Variants in SS18 observed in about 807,000 individuals in gnomAD.
SS18 encodes SS18 subunit of BAF chromatin remodeling complex, also known as protein SSXT.
Under a neutral mutation model 72.5 loss-of-function variants are expected in SS18, and 28 were observed. The observed-to-expected ratio is 0.39, with a 90% confidence interval of 0.29 to 0.53. The LOEUF (loss-of-function observed/expected upper bound fraction) is 0.53, where lower values mean the gene tolerates loss of function less well. Among genes scored for constraint, SS18 ranks in the 20% least tolerant of loss-of-function variants. SS18 has a pLI of 0.76. For missense variants in SS18, 518 were observed against 535.3 expected (o/e 0.97, Z 0.32); for synonymous variants, 172 against 164.2 (o/e 1.05, Z -0.37).
chr18:26,090,766 G>T, upstream of SS18: 1 of 615,152 alleles, frequency 1.6e-6, no homozygotes, highest in Non-Finnish European at 2.9e-6. Flanking sequence ...GCGCACTCTG[G>T]GGGACCCCTA....
Position 26,080,395 on chromosome 18 carries a change from A to G in SS18, c.147-2235T>C, listed in dbSNP as rs147503840. ...TTTTCTGAGGACCACTGACCAAACC[A>G]TACTAACAGATGTGGTTTATTCATG... On this transcript the variant is annotated intron_variant, in intron 2 of 10. Coordinates refer to ENST00000415083, the MANE Select transcript of SS18 (RefSeq NM_001007559.3). The G allele has an allele frequency of 5.6e-4, 553 of 985,406 alleles. 4 individuals carry two copies. The African/African-American group carries it at 8.8e-3, about 16-fold the overall frequency. The allele number at this position is 985,406 out of a possible 1,614,324, so 61.0% of individuals were successfully genotyped here.
chr18:26,038,449 A>C lies in SS18; in HGVS notation c.880+106T>G, dbSNP rs2053662797. 5 of 1,021,758 alleles carry C rather than the reference A, an allele frequency of 4.9e-6. No homozygotes were observed. The East Asian group carries it at 1.2e-4, about 25-fold the overall frequency. The allele number at this position is 1,021,758 out of a possible 1,614,324, so 63.3% of individuals were successfully genotyped here. On this transcript the variant is annotated intron_variant, in intron 7 of 10. Coordinates refer to ENST00000415083, the MANE Select transcript of SS18 (RefSeq NM_001007559.3). Reference sequence around the variant, plus strand: ...CTGAAGTGTTTCAAAATTTAGAGGAAACAAATTGTTAGTTTCTTCGTCCTC... The same window carrying C: ...CTGAAGTGTTTCAAAATTTAGAGGACACAAATTGTTAGTTTCTTCGTCCTC...
intron 10 of SS18, among the ~76,000 whole-genome samples, chr18:26,029,537 T>C (rs2053507878): frequency 6.6e-6 from 1 of 152,132 alleles, no homozygotes; most frequent in African/African-American, 2.4e-5. Context: ...TGAAGGGGTT[T>C]GCTAATTGGA....
At position 26,059,795 on chromosome 18, in the gene SS18, G is replaced by A. The variant is rs565321347; in HGVS notation, c.232-2053C>T. Among the ~76,000 whole-genome samples, 12 of 152,206 alleles carry A rather than the reference G, an allele frequency of 7.9e-5. 1 individual carries two copies. The highest frequency in any genetic ancestry group is 7.8e-4 in the Admixed American group (12 of 15,298). On this transcript the variant is annotated intron_variant, in intron 3 of 10. Coordinates refer to ENST00000415083, the MANE Select transcript of SS18 (RefSeq NM_001007559.3). Reference sequence around the variant, plus strand: ...GCTTCTATAATTGTTCAACCACAAGGTCTAACACTCTTAAAAATTGCAAGG... The same window carrying A: ...GCTTCTATAATTGTTCAACCACAAGATCTAACACTCTTAAAAATTGCAAGG...
chr18:26,055,078 C>G (rs1307181034), intron 4 of SS18, among the ~76,000 whole-genome samples: 2 of 152,084 alleles, frequency 1.3e-5, no homozygotes, highest in Non-Finnish European at 2.9e-5. Context: ...ACCAATGCCT[C>G]TCTAGAACTG....
chr18:26,038,092 T>C (rs935825467), intron 7 of SS18, among the ~76,000 whole-genome samples: 4 of 152,142 alleles, frequency 2.6e-5, no homozygotes, highest in African/African-American at 7.2e-5. Flanking sequence ...CCTTAGTTTG[T>C]TGAGAAGTAT....
intron 5 of SS18, among the ~76,000 whole-genome samples, chr18:26,043,465 A>G (rs1049710419): frequency 4.6e-5 from 7 of 152,086 alleles, no homozygotes; most frequent in Non-Finnish European, 1.0e-4. Flanking sequence ...ACATTTTACT[A>G]TTTGTTCCTT....
At chr18:26,046,523 T>C (rs1000700826) in intron 5 of SS18, among the ~76,000 whole-genome samples, 6 of 152,198 alleles carry the variant, frequency 3.9e-5, no homozygotes, top group African/African-American at 1.2e-4. Context: ...CACAACTACT[T>C]CTCTCATTTG....
rs544299521 is a variant in SS18 at position 26,090,608 on chromosome 18, C to G, written c.-39G>C. 218 of 1,550,866 alleles carry G rather than the reference C, an allele frequency of 1.4e-4. No individual in the cohort carries two copies. The South Asian group carries it at 1.6e-3, about 11-fold the overall frequency. The stretch of plus-strand genomic sequence containing the variant: ...CCACTATCGGCAAGTCCCGAGCGCT[C>G]CGGGTGAACGGCAAACTGGGGGAGA... On this transcript the variant is annotated 5_prime_UTR_variant, in exon 1 of 11. Coordinates refer to ENST00000415083, the MANE Select transcript of SS18 (RefSeq NM_001007559.3).
In SS18 at chr18:26,038,601, A is replaced by C; in HGVS notation, c.834T>G (p.Gly278=). 3 of 1,613,644 alleles carry C rather than the reference A, an allele frequency of 1.9e-6. No homozygotes were observed. Among genetic ancestry groups the C allele is most frequent in the Non-Finnish European group, 1.7e-6 (2 of 1,179,616 alleles). Residue 278 remains glycine, a synonymous_variant, in exon 7 of 11, where the codon GGT becomes GGG. Transcript: ENST00000415083. ...EDYYGDQYSH[G]GQGPPEGMNQ... Reference sequence around the variant, plus strand: ...TCATGCCTTCTGGAGGACCTTGTCCACCATGACTGTATTGGTCCCCGTAAT... The same window carrying C: ...TCATGCCTTCTGGAGGACCTTGTCCCCCATGACTGTATTGGTCCCCGTAAT...
At chr18:26,042,090 T>G (rs1197602602) in intron 5 of SS18, among the ~76,000 whole-genome samples, 1 of 152,194 alleles carries the variant, frequency 6.6e-6, no homozygotes, top group African/African-American at 2.4e-5. Flanking sequence ...TCTGATTGTT[T>G]AGGAAGTATA....
chr18:26,062,832 T>C (rs1364172480), intron 3 of SS18, among the ~76,000 whole-genome samples: 1 of 152,202 alleles, frequency 6.6e-6, no homozygotes, highest in Non-Finnish European at 1.5e-5. Context: ...TTAACAATCA[T>C]AAATGTGTAT....
At position 26,090,594 on chromosome 18, in the gene SS18, A is replaced by C; in HGVS notation, c.-25T>G. 6.4e-7 allele frequency: 1 copy of C among 1,562,908 alleles called. No homozygotes were observed. The highest frequency in any genetic ancestry group is 1.7e-4 in the Middle Eastern group (1 of 6,006). On this transcript the variant is annotated 5_prime_UTR_variant, in exon 1 of 11. Transcript: ENST00000415083. ...TGTTGCCGCCGTCACCACTATCGGC[A>C]AGTCCCGAGCGCTCCGGGTGAACGG...
chr18:26,021,896 G>T (rs1256592287), intron 10 of SS18, among the ~76,000 whole-genome samples: 1 of 152,206 alleles, frequency 6.6e-6, no homozygotes, highest in Admixed American at 6.5e-5. Flanking sequence ...GAGCTGTCGA[G>T]TAGGCATCTA....
intron 3 of SS18, among the ~76,000 whole-genome samples, chr18:26,065,899 G>T (rs1292943679): frequency 6.8e-6 from 1 of 146,902 alleles, no homozygotes; most frequent in Non-Finnish European, 1.5e-5. Context: ...GCAGAAAAGG[G>T]ATATTTGGAA....
chr18:26,057,837 A>C, intron 3 of SS18, 95 bp from the exon 4 acceptor site: 1 of 1,254,624 alleles, frequency 8.0e-7, no homozygotes, highest in Non-Finnish European at 1.1e-6. Context: ...AATTGCAGTA[A>C]GAACAAAAAC....
chr18:26,038,059 T>C (rs2053655175), intron 7 of SS18, among the ~76,000 whole-genome samples: 1 of 152,156 alleles, frequency 6.6e-6, no homozygotes. Context: ...CAAATTTTTC[T>C]CAAAGGCAAG....
intron 5 of SS18, among the ~76,000 whole-genome samples, chr18:26,040,164 A>C (rs1020590738): frequency 1.3e-5 from 2 of 152,192 alleles, no homozygotes; most frequent in African/African-American, 4.8e-5. Flanking sequence ...GACATGCAAC[A>C]AGCTGTAGGC....
intron 3 of SS18, among the ~76,000 whole-genome samples, chr18:26,076,831 T>C (rs921189282): frequency 1.3e-5 from 2 of 151,726 alleles, no homozygotes; most frequent in African/African-American, 2.4e-5. Context: ...ACATTAAAAA[T>C]CCAAAAATGT....
Sources: gnomAD v4.1 joint callset for allele counts (sites outside exome capture counted in the v4.1 genomes callset) on GRCh38, gnomAD v4.1.1 for gene constraint, MANE v1.5 for transcripts, NCBI Gene and HGNC (gene_info 2026-07-23, HGNC 2026-07-21) for gene names.